Variants in COL17A1 observed in about 807,000 individuals in gnomAD.
The protein encoded by COL17A1 is collagen type XVII alpha 1 chain, also known as collagen alpha-1(XVII) chain.
COL17A1 carries 181 observed loss-of-function variants against 218.4 expected under a neutral mutation model. The observed-to-expected ratio is 0.83, with a 90% CI of 0.73 to 0.94. The LOEUF (loss-of-function observed/expected upper bound fraction) is 0.94. Among genes scored for constraint, COL17A1 ranks in the 40% least tolerant of loss-of-function variants. COL17A1 has a pLI of 0.00. For missense variants in COL17A1, 1,924 were observed against 1,945.9 expected (o/e 0.99, Z 0.21); for synonymous variants, 721 against 731.0 (o/e 0.99, Z 0.22).
rs1385486063 is a variant in COL17A1 at position 104,057,146 on chromosome 10, C to T, written c.1294G>A (p.Gly432Ser). Residue 432 changes from glycine to serine, a missense_variant, in exon 17 of 56, where the codon GGT (glycine) becomes AGT (serine). Transcript: ENST00000648076. ...ADIHSYGSSG[G>S]GGSGGGGGVG... ...CCGCCACCTCCTCCACTGCCACCAC[C>T]ACCACTGCTGCCGTAGCTGTGGATA... The T allele has an allele frequency of 1.2e-6, 2 of 1,613,970 alleles. No individual in the cohort carries two copies. Among genetic ancestry groups the T allele is most frequent in the Admixed American group, 1.7e-5 (1 of 60,030 alleles).
In COL17A1 at chr10:104,061,448, G is replaced by C. The variant is rs551395339; in HGVS notation, c.936C>G (p.Pro312=). 1 of 1,613,578 alleles carries C rather than the reference G, an allele frequency of 6.2e-7. No individual in the cohort carries two copies. The highest frequency in any genetic ancestry group is 2.2e-5 in the East Asian group (1 of 44,858). The change falls in exon 13 of 56, where the codon CCC becomes CCG. Residue 312 remains proline (P), a synonymous_variant. Coordinates refer to ENST00000648076, the MANE Select transcript of COL17A1 (RefSeq NM_000494.4). ...STAYGVKKNM[P]QSPAAVNTGV... Reference sequence around the variant, plus strand: ...CAGTGTTCACAGCCGCAGGACTCTGGGGCATGTTTTTCTTCACCCCATATG... The same window carrying C: ...CAGTGTTCACAGCCGCAGGACTCTGCGGCATGTTTTTCTTCACCCCATATG...
Position 104,056,991 on chromosome 10 carries a change from G to C in COL17A1, c.1449C>G (p.Phe483Leu). 6.3e-7 allele frequency: 1 copy of C among 1,581,538 alleles called. No individual in the cohort carries two copies. The highest frequency in any genetic ancestry group is 8.6e-7 in the Non-Finnish European group (1 of 1,164,378). ...LTWLLLLGLL[F>L]GLIALAEEVR... is the part of the protein sequence containing the mutation. Reference sequence around the variant, plus strand: ...GCCACGTACCCAGAGCAATGAGGCCGAAGAGCAGCCCCAGGAGTAGCAGCC... The same window carrying C: ...GCCACGTACCCAGAGCAATGAGGCCCAAGAGCAGCCCCAGGAGTAGCAGCC... Residue 483 changes from phenylalanine (F) to leucine (L), a missense_variant, in exon 17 of 56, where the codon TTC (phenylalanine) becomes TTG (leucine). Transcript: ENST00000648076.
intron 15 of COL17A1, 149 bp from the exon 16 acceptor site, chr10:104,058,339 A>G: frequency 6.4e-6 from 6 of 935,282 alleles, no homozygotes; most frequent in Non-Finnish European, 9.8e-6. Context: ...GTCCTCACTA[A>G]TCTGATATTT....
At chr10:104,071,760 C>T (rs1420082545) in intron 8 of COL17A1, among the ~76,000 whole-genome samples, 1 of 152,178 alleles carries the variant, frequency 6.6e-6, no homozygotes, top group Non-Finnish European at 1.5e-5. Context: ...CCTCACCACA[C>T]TGAGTTGCGA....
rs199886326 is a variant in COL17A1, at chr10:104,054,978, T to C, written c.1744+3A>G. Reference sequence around the variant, plus strand: ...AAGGTAAAAATGCCCATGTTATAATTACCTTTAGGGCCTGGACTTCCCATG... The same window carrying C: ...AAGGTAAAAATGCCCATGTTATAATCACCTTTAGGGCCTGGACTTCCCATG... On this transcript the variant is annotated splice_donor_region_variant and intron_variant, in intron 20 of 55. Transcript: ENST00000648076. 6.2e-7 allele frequency: 1 copy of C among 1,614,154 alleles called. No homozygotes were observed. Among genetic ancestry groups the C allele is most frequent in the Non-Finnish European group, 8.5e-7 (1 of 1,180,022 alleles).
rs1365236157 is a variant in COL17A1 at position 104,036,598 on chromosome 10, C to T, written c.3312G>A (p.Leu1104=). The part of the protein sequence containing the change: ...DDVRQYLRQY[L]MGPRGPPGPP... Reference sequence around the variant, plus strand: ...GCCCTGGCGGACCCCGAGGGCCCATCAAGTACTGACGTAGGTACTGACGCA... The same window carrying T: ...GCCCTGGCGGACCCCGAGGGCCCATTAAGTACTGACGTAGGTACTGACGCA... The change falls in exon 48 of 56, where the codon TTG becomes TTA. Residue 1104 remains leucine (L), a synonymous_variant. Coordinates refer to ENST00000648076, the MANE Select transcript of COL17A1 (RefSeq NM_000494.4). The T allele has an allele frequency of 6.2e-7, 1 of 1,613,874 alleles. No homozygotes were observed. The highest frequency in any genetic ancestry group is 1.7e-5 in the Admixed American group (1 of 59,980).
At chr10:104,048,575 A>G (rs2086436516) in intron 29 of COL17A1, among the ~76,000 whole-genome samples, 1 of 152,108 alleles carries the variant, frequency 6.6e-6, no homozygotes, top group Admixed American at 6.6e-5. Flanking sequence ...ACTTTTTGGG[A>G]CCACTTGAAA....
At chr10:104,038,944 G>A (rs1440515164) in intron 44 of COL17A1, 127 bp downstream of exon 44, 1 of 1,114,090 alleles carries the variant, frequency 9.0e-7, no homozygotes, top group African/African-American at 1.5e-5. Context: ...CCTAGCACAT[G>A]GAGAAGACAG....
chr10:104,033,275 G>A lies in COL17A1; in HGVS notation c.4257C>T (p.Tyr1419=), dbSNP rs1941342141. Residue 1419 remains tyrosine, a synonymous_variant, in exon 53 of 56, where the codon TAC becomes TAT. Transcript: ENST00000648076. Reference sequence around the variant, plus strand: ...CCATGAGGTCCGCAGTCACGTTGCTGTAGGCAGAGAAGACCTTGCTGATGC... The same window carrying A: ...CCATGAGGTCCGCAGTCACGTTGCTATAGGCAGAGAAGACCTTGCTGATGC... ...PPGISKVFSA[Y]SNVTADLMDF... is the part of the protein sequence containing the mutation. 1.3e-6 allele frequency: 2 copies of A among 1,595,340 alleles called. No individual in the cohort carries two copies. Among genetic ancestry groups the A allele is most frequent in the South Asian group, 2.3e-5 (2 of 87,796 alleles).
At chr10:104,050,772 C>T (rs1342194931) in intron 26 of COL17A1, 76 bp downstream of exon 26, 2 of 1,614,006 alleles carry the variant, frequency 1.2e-6, no homozygotes, top group African/African-American at 2.7e-5. Context: ...TCCCCTCTTG[C>T]ACTTGTCAGC....
intron 54 of COL17A1, 40 bp from the exon 55 acceptor site, chr10:104,032,794 T>G (rs775648453): frequency 8.1e-6 from 13 of 1,611,488 alleles, no homozygotes; most frequent in Non-Finnish European, 1.1e-5. Flanking sequence ...AATACATGAG[T>G]CTGGGGACTG....
intron 14 of COL17A1, 44 bp from the exon 15 acceptor site, chr10:104,059,762 C>T (rs370291275): frequency 5.0e-5 from 79 of 1,581,312 alleles, no homozygotes; most frequent in Non-Finnish European, 6.6e-5. Flanking sequence ...CTCTTCTCAA[C>T]CTCTCAACTC....
chr10:104,044,667 G>A (rs551583211), intron 33 of COL17A1, among the ~76,000 whole-genome samples: 2 of 152,290 alleles, frequency 1.3e-5, no homozygotes, highest in African/African-American at 4.8e-5. Context: ...AAGCACTTGA[G>A]TTTGTTTTGT....
intron 1 of COL17A1, among the ~76,000 whole-genome samples, chr10:104,082,008 C>T (rs1165057384): frequency 6.6e-6 from 1 of 152,182 alleles, no homozygotes; most frequent in South Asian, 2.1e-4. Flanking sequence ...GGTGACTTCC[C>T]TGATGGAAAC....
chr10:104,047,441 C>T (rs2086423272), intron 31 of COL17A1, among the ~76,000 whole-genome samples: 1 of 152,064 alleles, frequency 6.6e-6, no homozygotes, highest in Non-Finnish European at 1.5e-5. Flanking sequence ...GCTGTTAATC[C>T]CACTCTTCTG....
Position 104,031,931 on chromosome 10 carries a change from C to A in COL17A1, c.*304G>T, listed in dbSNP as rs962189905. On this transcript the variant is annotated 3_prime_UTR_variant, in exon 56 of 56. Transcript: ENST00000648076. ...CTTTTATGTAACTGGCTTTCCTAGG[C>A]TGGGGCTTGAACTAAGTAAAGAAGC... 2.1e-6 allele frequency: 1 copy of A among 465,162 alleles called. No homozygotes were observed. Among genetic ancestry groups the A allele is most frequent in the Admixed American group, 3.5e-5 (1 of 28,932 alleles). The allele number at this position is 465,162 out of a possible 1,614,324, so 28.8% of individuals were successfully genotyped here. A position where few individuals can be genotyped will look rare whatever the true frequency, so the allele number is the denominator to read the frequency against.
At chr10:104,033,760 G>A (rs1278561645) in intron 52 of COL17A1, among the ~76,000 whole-genome samples, 185 bp downstream of exon 52, 7 of 152,186 alleles carry the variant, frequency 4.6e-5, no homozygotes, top group Non-Finnish European at 1.0e-4. Flanking sequence ...CACAGCTCGG[G>A]TCCCAGGACT....
At chr10:104,046,582 T>C (rs1042644027) in intron 32 of COL17A1, among the ~76,000 whole-genome samples, 165 bp downstream of exon 32, 5 of 152,174 alleles carry the variant, frequency 3.3e-5, no homozygotes, top group Non-Finnish European at 5.9e-5. Flanking sequence ...TCTGTGCCTA[T>C]TTTTCCTTCC....
intron 9 of COL17A1, among the ~76,000 whole-genome samples, chr10:104,067,020 A>G (rs2086631842): frequency 6.6e-6 from 1 of 152,210 alleles, no homozygotes; most frequent in Admixed American, 6.5e-5. Context: ...TACTTGGGCT[A>G]AGATGATGTC....
Sources: allele counts gnomAD v4.1 joint callset (sites outside exome capture counted in the v4.1 genomes callset), GRCh38; gene constraint gnomAD v4.1.1; transcripts MANE v1.5; gene names NCBI Gene and HGNC (gene_info 2026-07-23, HGNC 2026-07-21).